Variants in KBTBD6 observed in about 807,000 individuals in gnomAD.
KBTBD6 encodes kelch repeat and BTB domain-containing protein 6.
In KBTBD6, 6 loss-of-function variants were observed where a neutral mutation model predicts 34.4. The ratio of observed to expected loss-of-function variants is 0.17; its 90% confidence interval spans 0.10 to 0.34. The LOEUF (loss-of-function observed/expected upper bound fraction) is 0.34, where lower values mean the gene tolerates loss of function less well. Among genes scored for constraint, KBTBD6 ranks in the 10% least tolerant of loss-of-function variants. The pLI is 1.00. For missense variants in KBTBD6, 557 were observed against 856.0 expected, an observed-to-expected ratio of 0.65 and a Z score of 4.36; for synonymous variants, 288 against 327.2, an observed-to-expected ratio of 0.88 and a Z score of 1.29.
At position 41,130,734 on chromosome 13, in the gene KBTBD6, T is replaced by C; in HGVS notation, c.1778A>G (p.Asp593Gly). The change falls in exon 1 of 1, where the codon GAC becomes GGC. Residue 593 changes from aspartate to glycine, a missense_variant. By Grantham distance (94) the Asp-to-Gly change is moderately conservative. Transcript: ENST00000379485. This position sits in a 1 kb window ranked among gnomAD's most constrained non-coding sequence, Gnocchi z 4.8. ...VTVYEYDIRGDQWINIGTTLG... is the reference protein window; with the variant it reads ...VTVYEYDIRGGQWINIGTTLG... Reference sequence around the variant, plus strand: ...TGTGGTACCTATATTAATCCATTGGTCTCCCCTAATATCATATTCATACAC... The same window carrying C: ...TGTGGTACCTATATTAATCCATTGGCCTCCCCTAATATCATATTCATACAC... 1 of 1,614,168 alleles carries C rather than the reference T, an allele frequency of 6.2e-7. No homozygotes were observed. Among genetic ancestry groups the C allele is most frequent in the Admixed American group, 1.7e-5 (1 of 60,018 alleles).
chr13:41,132,552 A>G lies in KBTBD6; in HGVS notation c.-41T>C, dbSNP rs777249594. 1.3e-6 allele frequency: 2 copies of G among 1,592,666 alleles called. No individual in the cohort carries two copies. Among genetic ancestry groups the G allele is most frequent in the Admixed American group, 3.4e-5 (2 of 58,664 alleles). On this transcript the variant is annotated 5_prime_UTR_variant, in exon 1 of 1. Coordinates refer to ENST00000379485, the MANE Select transcript of KBTBD6 (RefSeq NM_152903.5). ...GGGCGCTGATGGCGAGAAACGCTGC[A>G]GGACCCGGCTCTGGCTCCTCCTCAA...
At position 41,132,558 on chromosome 13, in the gene KBTBD6, C is replaced by A. The variant is rs374573959; in HGVS notation, c.-47G>T. On this transcript the variant is annotated 5_prime_UTR_variant, in exon 1 of 1. Coordinates refer to ENST00000379485, the MANE Select transcript of KBTBD6 (RefSeq NM_152903.5). ...TGATGGCGAGAAACGCTGCAGGACC[C>A]GGCTCTGGCTCCTCCTCAACCTTCC... 1.4e-5 allele frequency: 22 copies of A among 1,584,560 alleles called. No homozygotes were observed. The highest frequency in any genetic ancestry group is 3.4e-5 in the Admixed American group (2 of 58,200).
Position 41,132,061 on chromosome 13 carries a change from G to C in KBTBD6, c.451C>G (p.Leu151Val). 6.2e-7 allele frequency: 1 copy of C among 1,614,228 alleles called. No individual in the cohort carries two copies. The highest frequency in any genetic ancestry group is 8.5e-7 in the Non-Finnish European group (1 of 1,180,046). ...GCTTCCCGCACATATTCCAGCTGTA[G>C]CATGTCGGAGGCCGCGTACAGGCGC... The part of the protein sequence containing the change: ...VERLYAASDM[L>V]QLEYVREACA... The change falls in exon 1 of 1, where the codon CTA becomes GTA. Residue 151 changes from leucine to valine, a missense_variant. Physicochemically the swap from Leu to Val is conservative, Grantham distance 32. Around this residue, in one of 4 missense-constraint regions of KBTBD6, gnomAD observed 108 missense variants for 209.6 expected, o/e 0.52. Transcript: ENST00000379485.
In KBTBD6 at chr13:41,132,013, G is replaced by A. The variant is rs752897819; in HGVS notation, c.499C>T (p.Arg167Cys). ...REACASFLAR[R>C]LDLTNCTAIL... ...GCGGTGCAGTTGGTCAGGTCAAGAC[G>A]TCGGGCTAAGAAGGAGGCACAGGCT... Residue 167 changes from arginine to cysteine, a missense_variant, in exon 1 of 1, where the codon CGT becomes TGT. Physicochemically the swap from Arg to Cys is radical, Grantham distance 180 (BLOSUM62 -3). Coordinates refer to ENST00000379485, the MANE Select transcript of KBTBD6 (RefSeq NM_152903.5). 1.2e-6 allele frequency: 2 copies of A among 1,614,136 alleles called. No individual in the cohort carries two copies. Among genetic ancestry groups the A allele is most frequent in the Non-Finnish European group, 1.7e-6 (2 of 1,180,056 alleles).
Position 41,129,425 on chromosome 13 carries a change from A to C in KBTBD6, c.*1062T>G, listed in dbSNP as rs1389071809. 6.6e-6 allele frequency: 1 copy of C among 152,044 alleles called. No homozygotes were observed. Among genetic ancestry groups the C allele is most frequent in the Non-Finnish European group, 1.5e-5 (1 of 67,986 alleles). The allele number at this position is 152,044 out of a possible 1,614,324, so 9.4% of individuals were successfully genotyped here. On this transcript the variant is annotated 3_prime_UTR_variant, in exon 1 of 1. Transcript: ENST00000379485. ...TACAAAGCAAGTTACTTCTTTTTTA[A>C]GGTTTTTTGATGATTTGGTGACACA...
Position 41,128,224 on chromosome 13 carries a change from C to T in KBTBD6, c.*2263G>A, listed in dbSNP as rs1468535902. ...GGTGTAAGAAATGTTAGCATTCTGT[C>T]ACTAGAAAATAAACACTGAAGAGGA... On this transcript the variant is annotated 3_prime_UTR_variant, in exon 1 of 1. Transcript: ENST00000379485. 4.1e-6 allele frequency: 1 copy of T among 246,778 alleles called. No homozygotes were observed. The highest frequency in any genetic ancestry group is 7.7e-6 in the Non-Finnish European group (1 of 129,650). The allele number at this position is 246,778 out of a possible 1,614,324, so 15.3% of individuals were successfully genotyped here.
rs1180858263 is a variant in KBTBD6, at chr13:41,129,339, A to C, written c.*1148T>G. ...TGAAATTTATACATGTCCAGCAGAAAAAAAAGGATTATTCCTGATTAAATG... is the reference window on the plus strand; with the variant it reads ...TGAAATTTATACATGTCCAGCAGAACAAAAAGGATTATTCCTGATTAAATG... On this transcript the variant is annotated 3_prime_UTR_variant, in exon 1 of 1. Coordinates refer to ENST00000379485, the MANE Select transcript of KBTBD6 (RefSeq NM_152903.5). 6.6e-6 allele frequency: 1 copy of C among 152,254 alleles called. No individual in the cohort carries two copies. The highest frequency in any genetic ancestry group is 2.4e-5 in the African/African-American group (1 of 41,456). 9.4% of individuals were successfully genotyped at this position (152,254 alleles called of 1,614,324 possible). A position where few individuals can be genotyped will look rare whatever the true frequency, so the allele number is the denominator to read the frequency against.
rs1593451140 is a variant in KBTBD6, at chr13:41,132,612, C to T, written c.-101G>A. On this transcript the variant is annotated 5_prime_UTR_variant, in exon 1 of 1. Coordinates refer to ENST00000379485, the MANE Select transcript of KBTBD6 (RefSeq NM_152903.5). ...GCTGACGCTAAGATAGCAGCGTCTCCGAAGAGACAGCAGCACGAGCCCATT... is the reference window on the plus strand; with the variant it reads ...GCTGACGCTAAGATAGCAGCGTCTCTGAAGAGACAGCAGCACGAGCCCATT... The T allele has an allele frequency of 7.4e-7, 1 of 1,355,344 alleles. No homozygotes were observed. The highest frequency in any genetic ancestry group is 1.0e-6 in the Non-Finnish European group (1 of 983,414). The allele number at this position is 1,355,344 out of a possible 1,614,324, so 84.0% of individuals were successfully genotyped here. A position where few individuals can be genotyped will look rare whatever the true frequency, so the allele number is the denominator to read the frequency against.
rs767458312 is a variant in KBTBD6 at position 41,131,402 on chromosome 13, C to T, written c.1110G>A (p.Pro370=). The part of the protein sequence containing the change: ...DPYSGDLYKV[P]SPLTCLAHTR... ...TGTGAGCCAGACAGGTCAAAGGTGA[C>T]GGCACTTTGTAAAGGTCCCCCGAGT... is the stretch of plus-strand genomic sequence containing the variant. The change falls in exon 1 of 1, where the codon CCG becomes CCA. Residue 370 remains proline, a synonymous_variant. Coordinates refer to ENST00000379485, the MANE Select transcript of KBTBD6 (RefSeq NM_152903.5). This position sits in a 1 kb window ranked among gnomAD's most constrained non-coding sequence, Gnocchi z 5.8. 6.2e-6 allele frequency: 10 copies of T among 1,613,890 alleles called. No homozygotes were observed. Among genetic ancestry groups the T allele is most frequent in the African/African-American group, 2.7e-5 (2 of 74,892 alleles).
Position 41,130,070 on chromosome 13 carries a change from T to C in KBTBD6, c.*417A>G, listed in dbSNP as rs1371214747. Reference sequence around the variant, plus strand: ...CCTTAGGTTAACCATTTTGGAAGTCTACATTGTTCTGAAGAAAAAGATATG... The same window carrying C: ...CCTTAGGTTAACCATTTTGGAAGTCCACATTGTTCTGAAGAAAAAGATATG... On this transcript the variant is annotated 3_prime_UTR_variant, in exon 1 of 1. Coordinates refer to ENST00000379485, the MANE Select transcript of KBTBD6 (RefSeq NM_152903.5). The surrounding 1 kb of genome is among the most constrained non-coding windows in gnomAD (Gnocchi z 4.8). 1 of 156,188 alleles carries C rather than the reference T, an allele frequency of 6.4e-6. No individual in the cohort carries two copies. Among genetic ancestry groups the C allele is most frequent in the East Asian group, 1.9e-4 (1 of 5,304 alleles). 9.7% of individuals were successfully genotyped at this position (156,188 alleles called of 1,614,324 possible). A position where few individuals can be genotyped will look rare whatever the true frequency, so the allele number is the denominator to read the frequency against.
At position 41,132,229 on chromosome 13, in the gene KBTBD6, A is replaced by G; in HGVS notation, c.283T>C (p.Tyr95His). The stretch of plus-strand genomic sequence containing the variant: ...CCACCTGTGAACATGCTCTTGAAGT[A>G]GGGACATGCCGCGGCCAGCACATTG... The part of the protein sequence containing the change: ...NRNVLAAACP[Y>H]FKSMFTGGMY... Residue 95 changes from tyrosine to histidine, a missense_variant, in exon 1 of 1, where the codon TAC becomes CAC. By Grantham distance (83) the Tyr-to-His change is moderately conservative. Coordinates refer to ENST00000379485, the MANE Select transcript of KBTBD6 (RefSeq NM_152903.5). 6.2e-7 allele frequency: 1 copy of G among 1,614,228 alleles called. No homozygotes were observed. Among genetic ancestry groups the G allele is most frequent in the Non-Finnish European group, 8.5e-7 (1 of 1,180,046 alleles).
At position 41,128,260 on chromosome 13, in the gene KBTBD6, T is replaced by C. The variant is rs1268091731; in HGVS notation, c.*2227A>G. The C allele has an allele frequency of 1.7e-5, 5 of 297,714 alleles. No individual in the cohort carries two copies. The highest frequency in any genetic ancestry group is 3.1e-5 in the Non-Finnish European group (5 of 161,366). The allele number at this position is 297,714 out of a possible 1,614,324, so 18.4% of individuals were successfully genotyped here. A position where few individuals can be genotyped will look rare whatever the true frequency, so the allele number is the denominator to read the frequency against. On this transcript the variant is annotated 3_prime_UTR_variant, in exon 1 of 1. Coordinates refer to ENST00000379485, the MANE Select transcript of KBTBD6 (RefSeq NM_152903.5). ...AAACACTGAAGAGGAATTAGCATGTTAATGAACAAAGATTAAGGAAGGTAA... is the reference window on the plus strand; with the variant it reads ...AAACACTGAAGAGGAATTAGCATGTCAATGAACAAAGATTAAGGAAGGTAA...
At position 41,128,499 on chromosome 13, in the gene KBTBD6, G is replaced by C; in HGVS notation, c.*1988C>G. 1 of 397,586 alleles carries C rather than the reference G, an allele frequency of 2.5e-6. No individual in the cohort carries two copies. The allele number at this position is 397,586 out of a possible 1,614,324, so 24.6% of individuals were successfully genotyped here. A position where few individuals can be genotyped will look rare whatever the true frequency, so the allele number is the denominator to read the frequency against. On this transcript the variant is annotated 3_prime_UTR_variant, in exon 1 of 1. Transcript: ENST00000379485. ...AACAAAGACTGGAGCATGGTTTACA[G>C]AGAAATACAAAACACATACAAACAT...
At position 41,129,737 on chromosome 13, in the gene KBTBD6, G is replaced by C. The variant is rs185451664; in HGVS notation, c.*750C>G. 7.9e-6 allele frequency: 1 copy of C among 127,364 alleles called. No individual in the cohort carries two copies. Among genetic ancestry groups the C allele is most frequent in the Non-Finnish European group, 1.5e-5 (1 of 64,712 alleles). The allele number at this position is 127,364 out of a possible 1,614,324, so 7.9% of individuals were successfully genotyped here. On this transcript the variant is annotated 3_prime_UTR_variant, in exon 1 of 1. Transcript: ENST00000379485. ...GGCTGGAGTGCAGTGGCCCAGTCTC[G>C]GCTCTCTGCAGCCTCTGACTCCCGG...
chr13:41,131,402 C>A lies in KBTBD6; in HGVS notation c.1110G>T (p.Pro370=), dbSNP rs767458312. The change falls in exon 1 of 1, where the codon CCG becomes CCT. Residue 370 remains proline (P), a synonymous_variant. Transcript: ENST00000379485. This position sits in a 1 kb window ranked among gnomAD's most constrained non-coding sequence, Gnocchi z 5.8. Reference sequence around the variant, plus strand: ...TGTGAGCCAGACAGGTCAAAGGTGACGGCACTTTGTAAAGGTCCCCCGAGT... The same window carrying A: ...TGTGAGCCAGACAGGTCAAAGGTGAAGGCACTTTGTAAAGGTCCCCCGAGT... ...DPYSGDLYKV[P]SPLTCLAHTR... is the part of the protein sequence containing the mutation. 1 of 1,613,890 alleles carries A rather than the reference C, an allele frequency of 6.2e-7. No homozygotes were observed. Among genetic ancestry groups the A allele is most frequent in the Non-Finnish European group, 8.5e-7 (1 of 1,179,932 alleles).
At position 41,129,690 on chromosome 13, in the gene KBTBD6, C is replaced by T. The variant is rs1471075593; in HGVS notation, c.*797G>A. 8 of 97,456 alleles carry T rather than the reference C, an allele frequency of 8.2e-5. No individual in the cohort carries two copies. Among genetic ancestry groups the T allele is most frequent in the Non-Finnish European group, 7.3e-5 (4 of 54,934 alleles). 6.0% of individuals were successfully genotyped at this position (97,456 alleles called of 1,614,324 possible). A position where few individuals can be genotyped will look rare whatever the true frequency, so the allele number is the denominator to read the frequency against. ...TTTTTTTTTTTTTTTTTTTTTGAGA[C>T]GGAGTCTCACTCTGTCATCCAGGCT... is the stretch of plus-strand genomic sequence containing the variant. On this transcript the variant is annotated 3_prime_UTR_variant, in exon 1 of 1. Coordinates refer to ENST00000379485, the MANE Select transcript of KBTBD6 (RefSeq NM_152903.5).
Position 41,132,197 on chromosome 13 carries a change from G to A in KBTBD6, c.315C>T (p.Tyr105=). 6.2e-7 allele frequency: 1 copy of A among 1,614,218 alleles called. No individual in the cohort carries two copies. Among genetic ancestry groups the A allele is most frequent in the Non-Finnish European group, 8.5e-7 (1 of 1,180,028 alleles). Residue 105 remains tyrosine, a synonymous_variant, in exon 1 of 1, where the codon TAC becomes TAT. Coordinates refer to ENST00000379485, the MANE Select transcript of KBTBD6 (RefSeq NM_152903.5). Reference sequence around the variant, plus strand: ...TGGTCACGCTGGCCTGCTGGCTCTCGTACATGCCACCTGTGAACATGCTCT... The same window carrying A: ...TGGTCACGCTGGCCTGCTGGCTCTCATACATGCCACCTGTGAACATGCTCT... ...YFKSMFTGGM[Y]ESQQASVTMH... is the part of the protein sequence containing the mutation.
In KBTBD6 at chr13:41,130,363, C is replaced by T; in HGVS notation, c.*124G>A. On this transcript the variant is annotated 3_prime_UTR_variant, in exon 1 of 1. Transcript: ENST00000379485. This position sits in a 1 kb window ranked among gnomAD's most constrained non-coding sequence, Gnocchi z 4.8. ...AAACATTACTTTTTCTAAACCAAAC[C>T]AGAAGTTAATCAACTTTTCCTCTCC... 1.5e-6 allele frequency: 1 copy of T among 688,288 alleles called. No individual in the cohort carries two copies. Among genetic ancestry groups the T allele is most frequent in the Non-Finnish European group, 2.4e-6 (1 of 424,740 alleles). The allele number at this position is 688,288 out of a possible 1,614,324, so 42.6% of individuals were successfully genotyped here.
chr13:41,128,690 A>G lies in KBTBD6; in HGVS notation c.*1797T>C. On this transcript the variant is annotated 3_prime_UTR_variant, in exon 1 of 1. Coordinates refer to ENST00000379485, the MANE Select transcript of KBTBD6 (RefSeq NM_152903.5). Reference sequence around the variant, plus strand: ...GTTGCCAAAGCTGGAGTGCTGAGACATGATCATAGCTGCAGTGAGCTATGA... The same window carrying G: ...GTTGCCAAAGCTGGAGTGCTGAGACGTGATCATAGCTGCAGTGAGCTATGA... 2 of 377,002 alleles carry G rather than the reference A, an allele frequency of 5.3e-6. No homozygotes were observed. Among genetic ancestry groups the G allele is most frequent in the Non-Finnish European group, 9.5e-6 (2 of 211,508 alleles). 23.4% of individuals were successfully genotyped at this position (377,002 alleles called of 1,614,324 possible). A position where few individuals can be genotyped will look rare whatever the true frequency, so the allele number is the denominator to read the frequency against.
Sources: allele counts gnomAD v4.1 joint callset, GRCh38; gene constraint gnomAD v4.1.1; regional missense constraint gnomAD v4.1.1; non-coding constraint Gnocchi (gnomAD v3.1); transcripts MANE v1.5; gene names NCBI Gene and HGNC (gene_info 2026-07-23, HGNC 2026-07-21).